The following SOAT1 variants were observed in gnomAD, a reference collection of about 807,000 sequenced individuals.
SOAT1 encodes acyl-coenzyme A:cholesterol acyltransferase 1.
A neutral mutation model predicts 69.5 loss-of-function variants in SOAT1; 55 were observed. The observed-to-expected ratio is 0.79, with a 90% CI of 0.64 to 0.99. The LOEUF (loss-of-function observed/expected upper bound fraction) is 0.99, where lower values mean the gene tolerates loss of function less well. Ranked by LOEUF, SOAT1 falls within the 50% of genes least tolerant of loss-of-function variation. SOAT1 has a pLI of 0.00. For missense variants in SOAT1, 580 were observed against 669.3 expected (o/e 0.87, Z 1.47); for synonymous variants, 231 against 224.7 (o/e 1.03, Z -0.25).
intron 2 of SOAT1, among the ~76,000 whole-genome samples, chr1:179,323,215 A>G (rs1404453779): frequency 6.6e-6 from 1 of 152,100 alleles, no homozygotes; most frequent in Non-Finnish European, 1.5e-5. Flanking sequence ...TGCATAATTA[A>G]CATCGTTGTA....
chr1:179,304,897 A>G (rs552689079), intron 2 of SOAT1, among the ~76,000 whole-genome samples: 25 of 150,188 alleles, frequency 1.7e-4, no homozygotes, highest in Non-Finnish European at 2.2e-4. Flanking sequence ...GGTTGCCCCG[A>G]CCTCCCAAAG....
chr1:179,342,760 C>T lies in SOAT1; in HGVS notation c.860-102C>T, dbSNP rs925940015. 3.9e-6 allele frequency: 3 copies of T among 761,070 alleles called. No individual in the cohort carries two copies. In the African/African-American group the frequency reaches 5.2e-5, roughly 13 times the overall value. 47.1% of individuals were successfully genotyped at this position (761,070 alleles called of 1,614,324 possible). A position where few individuals can be genotyped will look rare whatever the true frequency, so the allele number is the denominator to read the frequency against. On this transcript the variant is annotated intron_variant, in intron 8 of 15. Coordinates refer to ENST00000367619, the MANE Select transcript of SOAT1 (RefSeq NM_003101.6). ...GAAAAAAGAACATGAGCTGATAAGT[C>T]ATTTTATTCTTCCCTGTTCTGTGCT...
rs1666210685 is a variant in SOAT1, at chr1:179,337,853, C to T, written c.346C>T (p.Pro116Ser). Reference protein sequence around the residue: ...NHRAKDLRAPPEQGKIFIARR... With the variant: ...NHRAKDLRAPSEQGKIFIARR... The stretch of plus-strand genomic sequence containing the variant: ...TCTTCTCAGGGATTTGAGAGCACCT[C>T]CAGAACAAGGAAAGATTTTTATTGC... Residue 116 changes from proline to serine, a missense_variant, in exon 5 of 16, where the codon CCA becomes TCA. By Grantham distance (74) the Pro-to-Ser change is moderately conservative (BLOSUM62 -1). Transcript: ENST00000367619. The T allele has an allele frequency of 1.2e-6, 2 of 1,610,368 alleles. No homozygotes were observed. Among genetic ancestry groups the T allele is most frequent in the Non-Finnish European group, 1.7e-6 (2 of 1,178,184 alleles).
In SOAT1 at chr1:179,343,622, T is replaced by A; in HGVS notation, c.974T>A (p.Met325Lys). 1 of 1,611,678 alleles carries A rather than the reference T, an allele frequency of 6.2e-7. No individual in the cohort carries two copies. Among genetic ancestry groups the A allele is most frequent in the Non-Finnish European group, 8.5e-7 (1 of 1,178,516 alleles). Residue 325 changes from methionine to lysine, a missense_variant, in exon 10 of 16, where the codon ATG becomes AAG. By Grantham distance (95) the Met-to-Lys change is moderately conservative (BLOSUM62 -1). Transcript: ENST00000367619. The part of the protein sequence containing the change: ...NPTVRWGYVA[M>K]KFAQVFGCFF... Reference sequence around the variant, plus strand: ...ACTGTAAGATGGGGTTATGTCGCTATGAAGTTTGCACAGGTAAGTTTTTGT... The same window carrying A: ...ACTGTAAGATGGGGTTATGTCGCTAAGAAGTTTGCACAGGTAAGTTTTTGT...
chr1:179,345,461 C>T (rs531070223), intron 11 of SOAT1, among the ~76,000 whole-genome samples: 18 of 152,260 alleles, frequency 1.2e-4, no homozygotes, highest in Admixed American at 1.0e-3. Flanking sequence ...TATTCTAATC[C>T]AGTGGATGGA....
intron 3 of SOAT1, among the ~76,000 whole-genome samples, chr1:179,333,044 G>C (rs1218324499): frequency 6.6e-6 from 1 of 152,176 alleles, no homozygotes; most frequent in Non-Finnish European, 1.5e-5. Flanking sequence ...TAATTATAAT[G>C]CCATGTAAAG....
chr1:179,328,447 G>A (rs892567833), intron 3 of SOAT1, among the ~76,000 whole-genome samples: 1 of 152,186 alleles, frequency 6.6e-6, no homozygotes, highest in Admixed American at 6.5e-5. Context: ...ATATAATAAA[G>A]TTCCCACTCA....
chr1:179,294,572 G>A (rs1664564664), intron 1 of SOAT1, among the ~76,000 whole-genome samples: 1 of 152,184 alleles, frequency 6.6e-6, no homozygotes, highest in South Asian at 2.1e-4. Flanking sequence ...TCGCTGTGTC[G>A]CAAGGCTGGA....
chr1:179,351,714 C>T (rs1224502639), intron 15 of SOAT1, among the ~76,000 whole-genome samples: 7 of 91,162 alleles, frequency 7.7e-5, no homozygotes, highest in African/African-American at 2.7e-4. Flanking sequence ...TTCTTCAGCC[C>T]CTTCTAATTT....
intron 3 of SOAT1, among the ~76,000 whole-genome samples, chr1:179,328,870 C>G (rs1315698318): frequency 2.6e-5 from 4 of 151,006 alleles, no homozygotes; most frequent in South Asian, 2.1e-4. Context: ...ATGGCAAAAC[C>G]CTGTGTCTAC....
Position 179,344,946 on chromosome 1 carries a change from G to A in SOAT1, c.988-1G>A. 1 of 1,613,932 alleles carries A rather than the reference G, an allele frequency of 6.2e-7. No homozygotes were observed. The highest frequency in any genetic ancestry group is 1.7e-5 in the Admixed American group (1 of 59,990). ...ATAATTCTGTCTCTGTTATGTTCCA[G>A]GTCTTTGGTTGCTTTTTCTATGTGT... On this transcript the variant is annotated splice_acceptor_variant, in intron 10 of 15. Coordinates refer to ENST00000367619, the MANE Select transcript of SOAT1 (RefSeq NM_003101.6). LOFTEE classifies it high-confidence loss of function.
intron 10 of SOAT1, 97 bp from the exon 11 acceptor site, chr1:179,344,850 G>A (rs1666469701): frequency 4.4e-6 from 5 of 1,138,194 alleles, no homozygotes; most frequent in Non-Finnish European, 6.5e-6. Flanking sequence ...GAACATTACT[G>A]TAAGGGTCAC....
At position 179,333,884 on chromosome 1, in the gene SOAT1, G is replaced by A. The variant is rs1387725964; in HGVS notation, c.178-1622G>A. ...AAGAACTCATTTTTTGTCAAGTGGT[G>A]AAAGCAGCTAGCTGAATAATATTCA... On this transcript the variant is annotated intron_variant, in intron 3 of 15. Transcript: ENST00000367619. Among the ~76,000 whole-genome samples, 2 of 151,814 alleles carry A rather than the reference G, an allele frequency of 1.3e-5. 1 individual carries two copies. The highest frequency in any genetic ancestry group is 1.3e-4 in the Admixed American group (2 of 15,256).
At chr1:179,304,924 A>G (rs1316312300) in intron 2 of SOAT1, among the ~76,000 whole-genome samples, 1 of 152,182 alleles carries the variant, frequency 6.6e-6, no homozygotes, top group Non-Finnish European at 1.5e-5. Flanking sequence ...TTTTATAGGC[A>G]TGAGCCACCA....
chr1:179,313,011 G>A (rs1003736514), intron 2 of SOAT1, among the ~76,000 whole-genome samples: 1 of 152,110 alleles, frequency 6.6e-6, no homozygotes, highest in African/African-American at 2.4e-5. Context: ...TCAGTTTCTC[G>A]CAAAGGCAGT....
At position 179,341,295 on chromosome 1, in the gene SOAT1, C is replaced by G; in HGVS notation, c.765C>G (p.Ile255Met). 1 of 1,614,016 alleles carries G rather than the reference C, an allele frequency of 6.2e-7. No homozygotes were observed. The highest frequency in any genetic ancestry group is 8.5e-7 in the Non-Finnish European group (1 of 1,179,968). ...CACTGCCACCAGCTTCCCGGTTCATCATTATATTCGAGCAGGTAAGGTTTT... is the reference window on the plus strand; with the variant it reads ...CACTGCCACCAGCTTCCCGGTTCATGATTATATTCGAGCAGGTAAGGTTTT... Reference protein sequence around the residue: ...AYTLPPASRFIIIFEQIRFVM... With the variant: ...AYTLPPASRFMIIFEQIRFVM... Residue 255 changes from isoleucine (I) to methionine (M), a missense_variant, in exon 7 of 16, where the codon ATC becomes ATG. Ile to Met is a conservative substitution (Grantham distance 10, BLOSUM62 1). Transcript: ENST00000367619.
At chr1:179,320,799 A>G (rs535739032) in intron 2 of SOAT1, among the ~76,000 whole-genome samples, 14 of 152,156 alleles carry the variant, frequency 9.2e-5, no homozygotes, top group South Asian at 4.1e-4. Flanking sequence ...GCAGTGGCAT[A>G]ATCTCAGCTC....
At chr1:179,346,237 T>C (rs1053172549) in intron 11 of SOAT1, among the ~76,000 whole-genome samples, 2 of 152,212 alleles carry the variant, frequency 1.3e-5, no homozygotes, top group African/African-American at 4.8e-5. Flanking sequence ...TGCAAAGTTA[T>C]TGAGTTCAAG....
intron 1 of SOAT1, among the ~76,000 whole-genome samples, chr1:179,297,594 C>T (rs1664693620): frequency 1.3e-5 from 2 of 151,794 alleles, no homozygotes; most frequent in Non-Finnish European, 2.9e-5. Flanking sequence ...CTCAGCCTCC[C>T]AAAGTGCTGG....
Sources: allele counts gnomAD v4.1 joint callset (sites outside exome capture counted in the v4.1 genomes callset), GRCh38; gene constraint gnomAD v4.1.1; transcripts MANE v1.5; gene names NCBI Gene and HGNC (gene_info 2026-07-23, HGNC 2026-07-21).